Variants in PDIK1L observed in about 807,000 individuals in gnomAD.
PDIK1L encodes the protein serine/threonine-protein kinase PDIK1L.
Under a neutral mutation model 27.1 loss-of-function variants are expected in PDIK1L, and 9 were observed. The observed-to-expected ratio is 0.33, with a 90% CI of 0.20 to 0.58. The LOEUF is 0.58. Among genes scored for constraint, PDIK1L ranks in the 20% least tolerant of loss-of-function variants. PDIK1L has a pLI of 0.86. For missense variants in PDIK1L, 216 were observed against 413.2 expected (o/e 0.52, Z 4.14); for synonymous variants, 130 against 141.7 (o/e 0.92, Z 0.59).
In PDIK1L at chr1:26,116,470, A is replaced by G. The variant is rs2087878317; in HGVS notation, c.285+1877A>G. On this transcript the variant is annotated intron_variant, in intron 2 of 2. Coordinates refer to ENST00000374269, the MANE Select transcript of PDIK1L (RefSeq NM_152835.5). ...GCAGAGGTTGCAGTGAACTGACATC[A>G]TGCCACTGCACTGCAGCCTGGGTGA... Among the ~76,000 whole-genome samples, 5 of 151,748 alleles carry G rather than the reference A, an allele frequency of 3.3e-5. No individual in the cohort carries two copies. In the South Asian group the frequency reaches 1.0e-3, roughly 32 times the overall value.
At chr1:26,115,726 G>T (rs994803625) in intron 2 of PDIK1L, among the ~76,000 whole-genome samples, 1 of 151,890 alleles carries the variant, frequency 6.6e-6, no homozygotes, top group Non-Finnish European at 1.5e-5. Context: ...GGCGTGAACC[G>T]GGGAGGCGGA....
At chr1:26,115,852 T>C (rs2087867980) in intron 2 of PDIK1L, among the ~76,000 whole-genome samples, 1 of 151,788 alleles carries the variant, frequency 6.6e-6, no homozygotes, top group Non-Finnish European at 1.5e-5. Flanking sequence ...AAAACAACTT[T>C]CTTTGAGTGT....
chr1:26,117,848 A>G (rs190165354), intron 2 of PDIK1L, among the ~76,000 whole-genome samples: 193 of 152,274 alleles, frequency 1.3e-3, no homozygotes, highest in African/African-American at 3.8e-3. Flanking sequence ...ACTTGAGGCC[A>G]GGAGTTCCAA....
At chr1:26,118,623 A>G (rs376907988) in intron 2 of PDIK1L, among the ~76,000 whole-genome samples, 55 of 152,330 alleles carry the variant, frequency 3.6e-4, no homozygotes, top group South Asian at 2.5e-3. Flanking sequence ...TCTACTTTGT[A>G]TAGGAGTTGT....
chr1:26,122,331 G>C lies in PDIK1L; in HGVS notation c.780G>C (p.Glu260Asp), dbSNP rs2088002346. ...AAAGGATCACATTCATAGACACAGAGACAAAGAAGGAACTCTTGGGGAGTT... is the reference window on the plus strand; with the variant it reads ...AAAGGATCACATTCATAGACACAGACACAAAGAAGGAACTCTTGGGGAGTT... ...MLERITFIDT[E>D]TKKELLGSYV... is the part of the protein sequence containing the mutation. Residue 260 changes from glutamate to aspartate, a missense_variant, in exon 3 of 3, where the codon GAG becomes GAC. By Grantham distance (45) the Glu-to-Asp change is conservative. Coordinates refer to ENST00000374269, the MANE Select transcript of PDIK1L (RefSeq NM_152835.5). The surrounding 1 kb of genome is among the most constrained non-coding windows in gnomAD (Gnocchi z 5.4). 1 of 1,614,054 alleles carries C rather than the reference G, an allele frequency of 6.2e-7. No homozygotes were observed. Among genetic ancestry groups the C allele is most frequent in the East Asian group, 2.2e-5 (1 of 44,896 alleles).
intron 1 of PDIK1L, among the ~76,000 whole-genome samples, chr1:26,113,498 TAAAA>T (rs67443362): frequency 8.8e-5 from 8 of 91,060 alleles, no homozygotes; most frequent in Non-Finnish European, 1.1e-4. Context: ...AGACTCCGTC[TAAAA>T]AAAAAAAAAA....
chr1:26,122,491 G>A lies in PDIK1L; in HGVS notation c.940G>A (p.Ala314Thr). 1 of 1,614,122 alleles carries A rather than the reference G, an allele frequency of 6.2e-7. No homozygotes were observed. Among genetic ancestry groups the A allele is most frequent in the Non-Finnish European group, 8.5e-7 (1 of 1,180,000 alleles). The part of the protein sequence containing the change: ...MKQLIKEMLA[A>T]NPQDRPDAFE... ...ACAACTGATTAAGGAAATGCTGGCT[G>A]CAAACCCTCAGGATCGTCCAGATGC... The change falls in exon 3 of 3, where the codon GCA becomes ACA. Residue 314 changes from alanine (A) to threonine (T), a missense_variant. Ala to Thr is a moderately conservative substitution (Grantham distance 58). Transcript: ENST00000374269. This position sits in a 1 kb window ranked among gnomAD's most constrained non-coding sequence, Gnocchi z 5.4.
intron 2 of PDIK1L, among the ~76,000 whole-genome samples, chr1:26,118,316 G>A (rs1040731441): frequency 2.0e-5 from 3 of 152,098 alleles, no homozygotes; most frequent in African/African-American, 7.2e-5. Flanking sequence ...GTGGGACCCT[G>A]TCTCAAAAAT....
At position 26,124,685 on chromosome 1, in the gene PDIK1L, G is replaced by T. The variant is rs1037125576; in HGVS notation, c.*2108G>T. 5.9e-5 allele frequency: 9 copies of T among 152,174 alleles called. No homozygotes were observed. Among genetic ancestry groups the T allele is most frequent in the African/African-American group, 1.9e-4 (8 of 41,456 alleles). The allele number at this position is 152,174 out of a possible 1,614,324, so 9.4% of individuals were successfully genotyped here. A position where few individuals can be genotyped will look rare whatever the true frequency, so the allele number is the denominator to read the frequency against. ...TGAAATTCTTTCATTGGGGGTAAGG[G>T]TATGAGGTGATCAGGAAGTTTCTTC... is the stretch of plus-strand genomic sequence containing the variant. On this transcript the variant is annotated 3_prime_UTR_variant, in exon 3 of 3. Transcript: ENST00000374269.
rs570759352 is a variant in PDIK1L, at chr1:26,114,049, G to C, written c.-17-243G>C. On this transcript the variant is annotated intron_variant, in intron 1 of 2. Coordinates refer to ENST00000374269, the MANE Select transcript of PDIK1L (RefSeq NM_152835.5). This position sits in a 1 kb window ranked among gnomAD's most constrained non-coding sequence, Gnocchi z 4.8. ...GACCATAATAGTATCTATCTCATCA[G>C]ATTATTATGAGGATTAACTGAATTT... 6.6e-6 allele frequency among the ~76,000 whole-genome samples: 1 copy of C among 152,148 alleles called. No homozygotes were observed. The highest frequency in any genetic ancestry group is 2.4e-5 in the African/African-American group (1 of 41,420).
Position 26,121,922 on chromosome 1 carries a change from G to A in PDIK1L, c.371G>A (p.Gly124Glu). 1 of 1,614,040 alleles carries A rather than the reference G, an allele frequency of 6.2e-7. No homozygotes were observed. The highest frequency in any genetic ancestry group is 8.5e-7 in the Non-Finnish European group (1 of 1,180,018). The part of the protein sequence containing the change: ...YLWFVMDFCD[G>E]GDMNEYLLSR... ...TGGTTTGTGATGGATTTTTGTGACG[G>A]AGGAGATATGAATGAGTATCTGTTG... is the stretch of plus-strand genomic sequence containing the variant. The change falls in exon 3 of 3, where the codon GGA (glycine) becomes GAA (glutamate). Residue 124 changes from glycine (G) to glutamate (E), a missense_variant. By Grantham distance (98) the Gly-to-Glu change is moderately conservative (BLOSUM62 -2). Transcript: ENST00000374269.
In PDIK1L at chr1:26,122,608, A is replaced by G. The variant is rs1363121152; in HGVS notation, c.*31A>G. 6 of 1,567,050 alleles carry G rather than the reference A, an allele frequency of 3.8e-6. No homozygotes were observed. The highest frequency in any genetic ancestry group is 2.4e-5 in the South Asian group (2 of 83,482). ...ATTATTTGCAAATACCATGGATGAT[A>G]TGCTGCTTCTGTTTAACAGTGATGC... On this transcript the variant is annotated 3_prime_UTR_variant, in exon 3 of 3. Transcript: ENST00000374269. This position sits in a 1 kb window ranked among gnomAD's most constrained non-coding sequence, Gnocchi z 5.4.
At position 26,122,534 on chromosome 1, in the gene PDIK1L, G is replaced by A; in HGVS notation, c.983G>A (p.Arg328Lys). Residue 328 changes from arginine to lysine, a missense_variant, in exon 3 of 3, where the codon AGA becomes AAA. Coordinates refer to ENST00000374269, the MANE Select transcript of PDIK1L (RefSeq NM_152835.5). This position sits in a 1 kb window ranked among gnomAD's most constrained non-coding sequence, Gnocchi z 5.4. ...CCAGATGCTTTTGAACTAGAACTCA[G>A]ATTAGTACAAATTGCATTTAAAGAT... ...DRPDAFELEL[R>K]LVQIAFKDSS... The A allele has an allele frequency of 6.2e-7, 1 of 1,612,040 alleles. No homozygotes were observed.
chr1:26,122,215 G>T lies in PDIK1L; in HGVS notation c.664G>T (p.Asp222Tyr). 6.2e-7 allele frequency: 1 copy of T among 1,614,206 alleles called. No homozygotes were observed. Among genetic ancestry groups the T allele is most frequent in the Non-Finnish European group, 8.5e-7 (1 of 1,180,036 alleles). ...TTTCCTTTCCACAGCATGTGGAACA[G>T]ATTTTTACATGGCTCCTGAAGTTTG... is the stretch of plus-strand genomic sequence containing the variant. ...KCFLSTACGT[D>Y]FYMAPEVWEG... The change falls in exon 3 of 3, where the codon GAT (aspartate) becomes TAT (tyrosine). Residue 222 changes from aspartate to tyrosine, a missense_variant. By Grantham distance (160) the Asp-to-Tyr change is radical. Coordinates refer to ENST00000374269, the MANE Select transcript of PDIK1L (RefSeq NM_152835.5). This position sits in a 1 kb window ranked among gnomAD's most constrained non-coding sequence, Gnocchi z 5.4.
Position 26,124,765 on chromosome 1 carries a change from TTCTTTG to T in PDIK1L, c.*2196_*2201del, listed in dbSNP as rs1428689764. 2.6e-5 allele frequency: 4 copies of T among 152,204 alleles called. No individual in the cohort carries two copies. Among genetic ancestry groups the T allele is most frequent in the South Asian group, 2.1e-4 (1 of 4,830 alleles). The allele number at this position is 152,204 out of a possible 1,614,324, so 9.4% of individuals were successfully genotyped here. A position where few individuals can be genotyped will look rare whatever the true frequency, so the allele number is the denominator to read the frequency against. ...AATAGCCAAGCAAAATGATAGTAAA[TTCTTTG>T]TCTTTGTTCTTTCAGTCAGAGGTAT... On this transcript the variant is annotated 3_prime_UTR_variant, in exon 3 of 3. Coordinates refer to ENST00000374269, the MANE Select transcript of PDIK1L (RefSeq NM_152835.5).
At position 26,122,833 on chromosome 1, in the gene PDIK1L, T is replaced by G. The variant is rs773220883; in HGVS notation, c.*256T>G. 2.9e-5 allele frequency: 9 copies of G among 307,718 alleles called. No homozygotes were observed. Among genetic ancestry groups the G allele is most frequent in the Admixed American group, 9.3e-5 (2 of 21,416 alleles). 19.1% of individuals were successfully genotyped at this position (307,718 alleles called of 1,614,324 possible). On this transcript the variant is annotated 3_prime_UTR_variant, in exon 3 of 3. Transcript: ENST00000374269. The surrounding 1 kb of genome is among the most constrained non-coding windows in gnomAD (Gnocchi z 5.4). ...GATAGAAGTTTGGCAGGAAAATTCT[T>G]TAAGAGCTAACAAGAGAAGAGAGTC...
In PDIK1L at chr1:26,114,563, C is replaced by T. The variant is rs1310609066; in HGVS notation, c.255C>T (p.Ser85=). ...LQKDGMVQKM[S]HGSNSSLYLQ... Reference sequence around the variant, plus strand: ...AGGATGGGATGGTGCAAAAGATGTCCCACGGCTCTAATTCTTCCCTTTATT... The same window carrying T: ...AGGATGGGATGGTGCAAAAGATGTCTCACGGCTCTAATTCTTCCCTTTATT... Residue 85 remains serine, a synonymous_variant, in exon 2 of 3, where the codon TCC becomes TCT. Coordinates refer to ENST00000374269, the MANE Select transcript of PDIK1L (RefSeq NM_152835.5). The surrounding 1 kb of genome is among the most constrained non-coding windows in gnomAD (Gnocchi z 4.8). 3.1e-6 allele frequency: 5 copies of T among 1,613,964 alleles called. No homozygotes were observed. Among genetic ancestry groups the T allele is most frequent in the Non-Finnish European group, 4.2e-6 (5 of 1,179,926 alleles).
At chr1:26,111,645 C>T (rs1032537284), upstream of PDIK1L, among the ~76,000 whole-genome samples, 5 of 151,512 alleles carry the variant, frequency 3.3e-5, no homozygotes, top group African/African-American at 9.7e-5. The surrounding 1 kb of genome is among the most constrained non-coding windows in gnomAD (Gnocchi z 4.0). Flanking sequence ...GCGCACACCT[C>T]CGACGACTCC....
At chr1:26,111,611 A>C (rs2087794765), upstream of PDIK1L, among the ~76,000 whole-genome samples, 1 of 151,370 alleles carries the variant, frequency 6.6e-6, no homozygotes, top group African/African-American at 2.4e-5. This position sits in a 1 kb window ranked among gnomAD's most constrained non-coding sequence, Gnocchi z 4.0. Flanking sequence ...TGCGGGGAGC[A>C]GCACCAGTGG....
Sources: gnomAD v4.1 joint callset for allele counts (sites outside exome capture counted in the v4.1 genomes callset) on GRCh38, gnomAD v4.1.1 for gene constraint, Gnocchi (gnomAD v3.1) non-coding constraint, MANE v1.5 for transcripts, NCBI Gene and HGNC (gene_info 2026-07-23, HGNC 2026-07-21) for gene names.